USP32: variants seen among roughly 807,000 people sequenced by gnomAD.
USP32 encodes the protein ubiquitin carboxyl-terminal hydrolase 32.
A neutral mutation model predicts 204.8 loss-of-function variants in USP32; 59 were observed. The ratio of observed to expected loss-of-function variants is 0.29; its 90% CI spans 0.23 to 0.36. The LOEUF (loss-of-function observed/expected upper bound fraction) is 0.36. USP32 is among the 10% of genes least tolerant of loss of function. USP32 has a pLI of 1.00. For missense variants in USP32, 1,160 were observed against 1,946.4 expected, an observed-to-expected ratio of 0.60 and a Z score of 7.60; for synonymous variants, 517 against 678.4, an observed-to-expected ratio of 0.76 and a Z score of 3.70.
intron 2 of USP32, among the ~76,000 whole-genome samples, chr17:60,303,913 C>T (rs937676986): frequency 6.6e-6 from 1 of 151,642 alleles, no homozygotes; most frequent in Admixed American, 6.6e-5. Context: ...AACAGAAAAC[C>T]CAAGAGCTGT....
chr17:60,342,130 C>T (rs1266728712), intron 2 of USP32, among the ~76,000 whole-genome samples: 2 of 152,080 alleles, frequency 1.3e-5, no homozygotes, highest in African/African-American at 4.8e-5. Context: ...CTATTCCTTT[C>T]TGTTTGTTCA....
rs1052853725 is a variant in USP32 at position 60,361,955 on chromosome 17, A to C, written c.59-16347T>G. Among the ~76,000 whole-genome samples, 5 of 152,200 alleles carry C rather than the reference A, an allele frequency of 3.3e-5. No individual in the cohort carries two copies. In the East Asian group the frequency reaches 5.8e-4, roughly 18 times the overall value. ...TTACTATATGTGGGTATGTGCCTGG[A>C]AACTAAAAGTGGATCCACTCTTCCC... On this transcript the variant is annotated intron_variant, in intron 1 of 33. Transcript: ENST00000300896.
At chr17:60,380,551 TAA>T (rs1027647129) in intron 1 of USP32, among the ~76,000 whole-genome samples, 1 of 152,020 alleles carries the variant, frequency 6.6e-6, no homozygotes, top group African/African-American at 2.4e-5. Context: ...CTGGGTGGCA[TAA>T]AAAAGTCATT....
At chr17:60,340,421 T>C (rs972536843) in intron 2 of USP32, among the ~76,000 whole-genome samples, 3 of 152,210 alleles carry the variant, frequency 2.0e-5, no homozygotes, top group Non-Finnish European at 4.4e-5. Context: ...CTACAAAAAA[T>C]ACAAAAATTC....
At chr17:60,380,434 G>A (rs1386165130) in intron 1 of USP32, among the ~76,000 whole-genome samples, 1 of 152,098 alleles carries the variant, frequency 6.6e-6, no homozygotes, top group Non-Finnish European at 1.5e-5. Context: ...AGGGCATAGT[G>A]GTGCACACCT....
At chr17:60,417,006 C>G (rs903134235) in intron 1 of USP32, among the ~76,000 whole-genome samples, 3 of 149,526 alleles carry the variant, frequency 2.0e-5, no homozygotes, top group African/African-American at 7.4e-5. Context: ...CAACCTCCCC[C>G]TCTTGGGTTC....
intron 11 of USP32, chr17:60,245,338 A>C (rs1363898004): frequency 5.3e-6 from 2 of 374,044 alleles, no homozygotes; most frequent in African/African-American, 4.4e-5. Flanking sequence ...TCTGATGGCC[A>C]GCTGGGCTGC....
In USP32 at chr17:60,340,813, G is replaced by C. The variant is rs866729640; in HGVS notation, c.186+4668C>G. 3.3e-5 allele frequency among the ~76,000 whole-genome samples: 5 copies of C among 152,302 alleles called. No homozygotes were observed. In the Middle Eastern group the frequency reaches 0.014, roughly 414 times the overall value. On this transcript the variant is annotated intron_variant, in intron 2 of 33. Transcript: ENST00000300896. The stretch of plus-strand genomic sequence containing the variant: ...GTTTTTGCAGTGGCTGGTACCGGTT[G>C]TTTCTTTCCATGTTTAGTGCTTCTG...
At chr17:60,268,582 CAAAAAAAAAA>C (rs57060420) in intron 7 of USP32, among the ~76,000 whole-genome samples, 2 of 45,456 alleles carry the variant, frequency 4.4e-5, no homozygotes, top group South Asian at 8.5e-4. Context: ...GACCCTGTCT[CAAAAAAAAAA>C]AAAAAAAAAA....
At chr17:60,295,526 C>T (rs2087406283) in intron 3 of USP32, among the ~76,000 whole-genome samples, 2 of 152,212 alleles carry the variant, frequency 1.3e-5, no homozygotes, top group Non-Finnish European at 2.9e-5. Context: ...AAATTGCACA[C>T]TGTTCTGAGT....
intron 27 of USP32, among the ~76,000 whole-genome samples, chr17:60,196,819 T>C (rs1264412721): frequency 2.0e-5 from 3 of 152,008 alleles, no homozygotes; most frequent in Admixed American, 6.6e-5. Flanking sequence ...AGCGAGACTC[T>C]GTGTCAAAAA....
At chr17:60,421,346 A>G in intron 1 of USP32, 1 of 985,234 alleles carries the variant, frequency 1.0e-6, no homozygotes, top group Non-Finnish European at 1.2e-6. Context: ...GCTCCTCCAA[A>G]GCTCCGGGCC....
intron 11 of USP32, among the ~76,000 whole-genome samples, chr17:60,242,260 G>A (rs1402564857): frequency 6.6e-6 from 1 of 152,040 alleles, no homozygotes; most frequent in Non-Finnish European, 1.5e-5. Flanking sequence ...GAGTAGCTGG[G>A]ACTACTGGCC....
chr17:60,286,805 G>C (rs1445900245), intron 5 of USP32, among the ~76,000 whole-genome samples: 1 of 152,136 alleles, frequency 6.6e-6, no homozygotes, highest in Non-Finnish European at 1.5e-5. Flanking sequence ...TCAGACCTTA[G>C]ACCACAGGGG....
chr17:60,224,614 T>C (rs747004793), intron 13 of USP32, among the ~76,000 whole-genome samples: 19 of 152,140 alleles, frequency 1.2e-4, no homozygotes, highest in Non-Finnish European at 2.5e-4. Flanking sequence ...AGACCTCGTC[T>C]CTACAAAACA....
At chr17:60,295,691 T>C (rs2087410938) in intron 3 of USP32, among the ~76,000 whole-genome samples, 1 of 152,224 alleles carries the variant, frequency 6.6e-6, no homozygotes, top group Admixed American at 6.5e-5. Context: ...TACAGGAAGA[T>C]ATTTTAACAG....
intron 3 of USP32, among the ~76,000 whole-genome samples, chr17:60,296,215 T>C (rs2087426354): frequency 1.3e-5 from 2 of 152,324 alleles, no homozygotes; most frequent in Non-Finnish European, 2.9e-5. Flanking sequence ...ATTGTTGTTA[T>C]AGGCTGAACT....
intron 12 of USP32, among the ~76,000 whole-genome samples, chr17:60,230,359 C>CAT (rs2085513116): frequency 1.3e-5 from 2 of 152,054 alleles, no homozygotes; most frequent in Admixed American, 1.3e-4. Flanking sequence ...GAGCTCAGTC[C>CAT]ATAGGTTAAA....
intron 9 of USP32, among the ~76,000 whole-genome samples, chr17:60,259,198 G>T (rs1211914287): frequency 1.3e-5 from 2 of 152,106 alleles, no homozygotes; most frequent in Non-Finnish European, 2.9e-5. Flanking sequence ...TGCATTTACA[G>T]ATCACTTCTA....
Sources: allele counts gnomAD v4.1 joint callset (sites outside exome capture counted in the v4.1 genomes callset), GRCh38; gene constraint gnomAD v4.1.1; transcripts MANE v1.5; gene names NCBI Gene and HGNC (gene_info 2026-07-23, HGNC 2026-07-21).